CORO2B: variants seen among roughly 807,000 people sequenced by gnomAD.
The protein encoded by CORO2B is coronin-2B.
CORO2B carries 26 observed loss-of-function variants against 58.8 expected under a neutral mutation model. The observed-to-expected ratio is 0.44, with a 90% CI of 0.32 to 0.61. The LOEUF (loss-of-function observed/expected upper bound fraction) is 0.61, where lower values mean the gene tolerates loss of function less well. CORO2B is among the 20% of genes least tolerant of loss of function. The pLI, the probability that CORO2B is intolerant of heterozygous loss-of-function variation, is 0.04. For missense variants in CORO2B, 460 were observed against 645.1 expected (o/e 0.71, Z 3.11); for synonymous variants, 242 against 253.8 (o/e 0.95, Z 0.44).
At chr15:68,520,523 A>T in the CORO2B span, among the ~76,000 whole-genome samples, 1 of 152,206 alleles carries the variant, frequency 6.6e-6, no homozygotes, top group African/African-American at 2.4e-5. Flanking sequence ...TGTCTCTCTT[A>T]AATGCTTAGA....
At chr15:68,687,958 T>G (rs1049447785) in intron 2 of CORO2B, among the ~76,000 whole-genome samples, 1 of 152,254 alleles carries the variant, frequency 6.6e-6, no homozygotes, top group Admixed American at 6.5e-5. Context: ...CATTGGAGAC[T>G]AAGTTTCCAA....
intron 1 of CORO2B, among the ~76,000 whole-genome samples, chr15:68,592,845 C>T (rs760635783): frequency 2.6e-5 from 4 of 152,178 alleles, no homozygotes; most frequent in East Asian, 1.9e-4. Context: ...TTCTCAACCC[C>T]GGCTGCAAAT....
intron 3 of CORO2B, among the ~76,000 whole-genome samples, chr15:68,699,433 C>T (rs896470049): frequency 1.3e-5 from 2 of 151,984 alleles, no homozygotes; most frequent in Admixed American, 6.6e-5. Flanking sequence ...ACAGGTAGAT[C>T]AGTGGAGAGA....
intron 8 of CORO2B, 128 bp from the exon 9 acceptor site, chr15:68,718,570 T>C (rs938962803): frequency 1.6e-5 from 12 of 758,254 alleles, no homozygotes; most frequent in African/African-American, 1.2e-4. Flanking sequence ...CCCTGCCCTC[T>C]GCATGGGCCG....
intron 2 of CORO2B, among the ~76,000 whole-genome samples, chr15:68,657,305 G>A (rs1248164496): frequency 1.3e-5 from 2 of 152,038 alleles, no homozygotes; most frequent in Non-Finnish European, 2.9e-5. Flanking sequence ...TTGCTTGAGT[G>A]CAGGAGCTTG....
chr15:68,568,074 G>A, the CORO2B span, among the ~76,000 whole-genome samples: 5 of 152,128 alleles, frequency 3.3e-5, no homozygotes, highest in Non-Finnish European at 5.9e-5. Flanking sequence ...GTTATTGTGA[G>A]GCCAATCCCC....
intron 1 of CORO2B, among the ~76,000 whole-genome samples, chr15:68,625,363 C>T (rs1299955002): frequency 1.3e-5 from 2 of 151,970 alleles, no homozygotes; most frequent in Non-Finnish European, 2.9e-5. Context: ...TTCACAAATG[C>T]AAACAATCGT....
At chr15:68,672,902 G>A (rs1405123888) in intron 2 of CORO2B, among the ~76,000 whole-genome samples, 2 of 152,182 alleles carry the variant, frequency 1.3e-5, no homozygotes, top group African/African-American at 4.8e-5. Flanking sequence ...CCTTAGAGCA[G>A]CCCCTCACAT....
Position 68,726,376 on chromosome 15 carries a change from C to CTGAA in CORO2B, c.*402_*403insTGAA. The CTGAA allele has an allele frequency of 3.7e-6, 1 of 270,196 alleles. No individual in the cohort carries two copies. 16.7% of individuals were successfully genotyped at this position (270,196 alleles called of 1,614,324 possible). On this transcript the variant is annotated 3_prime_UTR_variant, in exon 12 of 12. Coordinates refer to ENST00000261861, the MANE Select transcript of CORO2B (RefSeq NM_006091.5). ...GGCTGCCAGGACATCTCAGCACTCC[C>CTGAA]GCCTGGAGCTCTCAGCATCACTGAA...
intron 1 of CORO2B, among the ~76,000 whole-genome samples, chr15:68,579,591 G>A (rs1488756700): frequency 6.6e-6 from 1 of 152,200 alleles, no homozygotes; most frequent in East Asian, 1.9e-4. Context: ...GCTGGGCTGG[G>A]CGGCTAGCGG....
At position 68,695,211 on chromosome 15, in the gene CORO2B, C is replaced by A. The variant is rs1892480755; in HGVS notation, c.288C>A (p.Asn96Lys). Residue 96 changes from asparagine to lysine, a missense_variant, in exon 3 of 12, where the codon AAC becomes AAA. Transcript: ENST00000261861. The stretch of plus-strand genomic sequence containing the variant: ...GCAATGTGCTGGATATCAAATGGAA[C>A]CCCTTCATCGACAACATCATTGCCT... Reference protein sequence around the residue: ...HQGNVLDIKWNPFIDNIIASC... With the variant: ...HQGNVLDIKWKPFIDNIIASC... 1 of 1,614,050 alleles carries A rather than the reference C, an allele frequency of 6.2e-7. No homozygotes were observed. The highest frequency in any genetic ancestry group is 1.7e-5 in the Admixed American group (1 of 60,006).
Position 68,579,237 on chromosome 15 carries a change from C to G in CORO2B, c.-26C>G, listed in dbSNP as rs960887758. The G allele has an allele frequency of 2.6e-5, 30 of 1,156,046 alleles. No individual in the cohort carries two copies. The highest frequency in any genetic ancestry group is 4.5e-5 in the Admixed American group (1 of 22,412). The allele number at this position is 1,156,046 out of a possible 1,614,324, so 71.6% of individuals were successfully genotyped here. On this transcript the variant is annotated 5_prime_UTR_variant, in exon 1 of 12. Transcript: ENST00000261861. The stretch of plus-strand genomic sequence containing the variant: ...GCCGCCCCCGCACGCCGCGCCCGCG[C>G]CCCCGCTCCGCCGCGGAGTTTCTGC...
Position 68,604,843 on chromosome 15 carries a change from T to C in CORO2B, c.15+25566T>C, listed in dbSNP as rs565483266. 9.2e-5 allele frequency among the ~76,000 whole-genome samples: 14 copies of C among 152,272 alleles called. No individual in the cohort carries two copies. The South Asian group carries it at 1.9e-3, about 20-fold the overall frequency. On this transcript the variant is annotated intron_variant, in intron 1 of 11. Coordinates refer to ENST00000261861, the MANE Select transcript of CORO2B (RefSeq NM_006091.5). ...TGTTAAGAAGTTTTGAGGCTGGGCA[T>C]GGTGGCTCACGCCTGTAATTCCAGC...
intron 1 of CORO2B, among the ~76,000 whole-genome samples, chr15:68,627,734 T>C (rs189303000): frequency 6.6e-5 from 10 of 152,236 alleles, no homozygotes; most frequent in Admixed American, 3.9e-4. Flanking sequence ...AGTTATTTGC[T>C]GAGCTGAATC....
the CORO2B span, among the ~76,000 whole-genome samples, chr15:68,557,820 C>T: frequency 2.6e-5 from 4 of 152,230 alleles, no homozygotes; most frequent in Non-Finnish European, 5.9e-5. Flanking sequence ...CAGCCTTAGT[C>T]ATGGTCCTTT....
intron 1 of CORO2B, among the ~76,000 whole-genome samples, chr15:68,587,596 C>T (rs552996359): frequency 2.6e-5 from 4 of 152,096 alleles, no homozygotes; most frequent in Non-Finnish European, 4.4e-5. Context: ...AGGTGCTAGG[C>T]CCCTGCTTTC....
chr15:68,656,056 G>A (rs1050512680), intron 2 of CORO2B, among the ~76,000 whole-genome samples: 1 of 152,124 alleles, frequency 6.6e-6, no homozygotes, highest in Non-Finnish European at 1.5e-5. Flanking sequence ...CTGCCTGTTT[G>A]CCCTGCCTGA....
At chr15:68,571,681 A>T in the CORO2B span, among the ~76,000 whole-genome samples, 4 of 152,364 alleles carry the variant, frequency 2.6e-5, no homozygotes, top group East Asian at 7.7e-4. Flanking sequence ...CACACAAAAA[A>T]CATTCGCCCA....
intron 3 of CORO2B, among the ~76,000 whole-genome samples, chr15:68,706,366 C>T (rs1892784999): frequency 6.6e-6 from 1 of 152,210 alleles, no homozygotes; most frequent in South Asian, 2.1e-4. Context: ...TTTCCAACAG[C>T]TCTGTGCCCC....
Sources: gnomAD v4.1 joint callset for allele counts (sites outside exome capture counted in the v4.1 genomes callset) on GRCh38, gnomAD v4.1.1 for gene constraint, MANE v1.5 for transcripts, NCBI Gene and HGNC (gene_info 2026-07-23, HGNC 2026-07-21) for gene names.